Variants in PRAMEF27 observed in about 807,000 individuals in gnomAD.
The protein encoded by PRAMEF27 is PRAME family member 27.
Under a neutral mutation model 21.0 loss-of-function variants are expected in PRAMEF27, and 5 were observed. The ratio of observed to expected loss-of-function variants is 0.24; its 90% CI spans 0.12 to 0.50. The LOEUF (loss-of-function observed/expected upper bound fraction) is 0.50. Ranked by LOEUF, PRAMEF27 falls within the 20% of genes least tolerant of loss-of-function variation. The pLI is 0.98. For missense variants in PRAMEF27, 138 were observed against 541.4 expected, an observed-to-expected ratio of 0.25 and a Z score of 7.39; for synonymous variants, 61 against 211.2, an observed-to-expected ratio of 0.29 and a Z score of 6.17.
Position 13,050,244 on chromosome 1 carries a change from C to G in PRAMEF27, c.1001G>C (p.Arg334Thr). 1.0e-6 allele frequency: 1 copy of G among 958,288 alleles called. No homozygotes were observed. Among genetic ancestry groups the G allele is most frequent in the Non-Finnish European group, 1.4e-6 (1 of 691,046 alleles). The allele number at this position is 958,288 out of a possible 1,614,324, so 59.4% of individuals were successfully genotyped here. A position where few individuals can be genotyped will look rare whatever the true frequency, so the allele number is the denominator to read the frequency against. The stretch of plus-strand genomic sequence containing the variant: ...AGGCACAAGACTGTAATTGGTCAGT[C>G]TGATGCCACTCAGGTCCAGGGTCTT... The part of the protein sequence containing the change: ...QLKTLDLSGI[R>T]LTNYSLVPLQ... The change falls in exon 4 of 4, where the codon AGA becomes ACA. Residue 334 changes from arginine to threonine, a missense_variant. By Grantham distance (71) the Arg-to-Thr change is moderately conservative. Transcript: ENST00000436041.
chr1:13,052,005 G>C (rs1642211262), intron 3 of PRAMEF27, 113 bp downstream of exon 3: 3 of 1,453,350 alleles, frequency 2.1e-6, no homozygotes, highest in Admixed American at 3.6e-5. Context: ...GGACATTCTA[G>C]TGTCCCCTTC....
intron 1 of PRAMEF27, chr1:13,055,537 A>C (rs1165653998): frequency 2.2e-5 from 3 of 139,480 alleles, no homozygotes; most frequent in Admixed American, 1.4e-4. Flanking sequence ...CGTAGCTGGG[A>C]CTACAGGCAG....
rs1642225168 is a variant in PRAMEF27 at position 13,053,477 on chromosome 1, C to T, written c.183G>A (p.Trp61Ter). The change falls in exon 2 of 4, where the codon TGG becomes TGA. Residue 61 changes from tryptophan to a stop codon, truncating the protein, a stop_gained. Coordinates refer to ENST00000436041, the MANE Select transcript of PRAMEF27 (RefSeq NM_001300891.2). LOFTEE classifies it high-confidence loss of function. ...GCCTCAGAGGGAGGCGGCGGAAGGG[C>T]CAGGCCTGCACCATCAGCTTCAGGG... The part of the protein sequence containing the change: ...CEALKLMVQA[W>*]PFRRLPLRPL... The T allele has an allele frequency of 1.2e-5, 18 of 1,496,786 alleles. 3 individuals carry two copies. In the South Asian group the frequency reaches 1.9e-4, roughly 16 times the overall value. 92.7% of individuals were successfully genotyped at this position (1,496,786 alleles called of 1,614,324 possible).
Position 13,053,742 on chromosome 1 carries a change from C to G in PRAMEF27, c.-16-67G>C, listed in dbSNP as rs1642229281. On this transcript the variant is annotated intron_variant, in intron 1 of 3. Transcript: ENST00000436041. ...CCAAGCCCATGCAATCTCATCTTCT[C>G]CTATGGCCAAACTCACTGCTCTGGC... is the stretch of plus-strand genomic sequence containing the variant. 8 of 1,539,528 alleles carry G rather than the reference C, an allele frequency of 5.2e-6. 1 individual carries two copies. Among genetic ancestry groups the G allele is most frequent in the Non-Finnish European group, 6.0e-6 (7 of 1,159,532 alleles).
intron 2 of PRAMEF27, 199 bp downstream of exon 2, chr1:13,053,168 C>T: frequency 1.8e-6 from 1 of 556,284 alleles, no homozygotes; most frequent in Non-Finnish European, 2.9e-6. Context: ...CTTTCAGTGC[C>T]ATTAGAGGAG....
chr1:13,050,142 TG>T lies in PRAMEF27; in HGVS notation c.1102del (p.Gln368LysfsTer9). 1 of 1,345,996 alleles carries T rather than the reference TG, an allele frequency of 7.4e-7. No individual in the cohort carries two copies. The highest frequency in any genetic ancestry group is 2.4e-5 in the East Asian group (1 of 41,734). The allele number at this position is 1,345,996 out of a possible 1,614,324, so 83.4% of individuals were successfully genotyped here. ...CAGGGCAGGCAGGATGGCGTTGACT[TG>T]GGAGTCTATGATGCCACAGTCATCT... is the stretch of plus-strand genomic sequence containing the variant. ...DLDDCGIIDS[Q>X]VNAILPALSR... On this transcript the variant is annotated frameshift_variant, in exon 4 of 4. Transcript: ENST00000436041. LOFTEE classifies it low-confidence loss of function (END_TRUNC).
In PRAMEF27 at chr1:13,050,069, G is replaced by A. The variant is rs1187700563; in HGVS notation, c.1176C>T (p.Ile392=). Residue 392 remains isoleucine (I), a synonymous_variant, in exon 4 of 4, where the codon ATC becomes ATT. Coordinates refer to ENST00000436041, the MANE Select transcript of PRAMEF27 (RefSeq NM_001300891.2). ...LNAFSFCGNP[I]SMATLENLLS... ...GCAGGTTCTCCAGGGTGGCCATGGAGATGGGATTTCCACAGAAGCTGAAGG... is the reference window on the plus strand; with the variant it reads ...GCAGGTTCTCCAGGGTGGCCATGGAAATGGGATTTCCACAGAAGCTGAAGG... The A allele has an allele frequency of 7.0e-7, 1 of 1,418,698 alleles. No homozygotes were observed. The highest frequency in any genetic ancestry group is 9.4e-7 in the Non-Finnish European group (1 of 1,066,528). 87.9% of individuals were successfully genotyped at this position (1,418,698 alleles called of 1,614,324 possible).
rs1268687392 is a variant in PRAMEF27 at position 13,056,187 on chromosome 1, C to T, written c.-17+227G>A. On this transcript the variant is annotated intron_variant, in intron 1 of 3. Transcript: ENST00000436041. Reference sequence around the variant, plus strand: ...TTGGGGTTAAAGGCGTGAGTCACTGCTCCCTTCAAGAATTTTAAAATGGCA... The same window carrying T: ...TTGGGGTTAAAGGCGTGAGTCACTGTTCCCTTCAAGAATTTTAAAATGGCA... 1.7e-5 allele frequency: 2 copies of T among 117,838 alleles called. 1 individual carries two copies. Among genetic ancestry groups the T allele is most frequent in the East Asian group, 4.5e-4 (2 of 4,418 alleles). The allele number at this position is 117,838 out of a possible 1,614,324, so 7.3% of individuals were successfully genotyped here. A position where few individuals can be genotyped will look rare whatever the true frequency, so the allele number is the denominator to read the frequency against.
rs1363095514 is a variant in PRAMEF27, at chr1:13,056,359, A to C, written c.-17+55T>G. On this transcript the variant is annotated intron_variant, in intron 1 of 3. Coordinates refer to ENST00000436041, the MANE Select transcript of PRAMEF27 (RefSeq NM_001300891.2). ...TCGTAGGCTGCACTGTCACCATCCCAGACTGACTGACTCTAGGTCAGATGG... is the reference window on the plus strand; with the variant it reads ...TCGTAGGCTGCACTGTCACCATCCCCGACTGACTGACTCTAGGTCAGATGG... 6 of 124,798 alleles carry C rather than the reference A, an allele frequency of 4.8e-5. 1 individual carries two copies. The highest frequency in any genetic ancestry group is 9.2e-5 in the Non-Finnish European group (6 of 65,132). 7.7% of individuals were successfully genotyped at this position (124,798 alleles called of 1,614,324 possible).
rs1195753940 is a variant in PRAMEF27, at chr1:13,049,838, A to G, written c.1407T>C (p.Tyr469=). 2 of 1,409,016 alleles carry G rather than the reference A, an allele frequency of 1.4e-6. 1 individual carries two copies. Among genetic ancestry groups the G allele is most frequent in the African/African-American group, 7.7e-5 (2 of 25,986 alleles). The allele number at this position is 1,409,016 out of a possible 1,614,324, so 87.3% of individuals were successfully genotyped here. The change falls in exon 4 of 4, where the codon TAT becomes TAC. Residue 469 remains tyrosine, a synonymous_variant. Coordinates refer to ENST00000436041, the MANE Select transcript of PRAMEF27 (RefSeq NM_001300891.2). ...NCPDCGNRSF[Y]DLEADQYCC ...AGCAGTATTGATCTGCCTCCAGGTC[A>G]TAAAATGACCTGTTGCCACAGTCAG...
chr1:13,053,630 T>A lies in PRAMEF27; in HGVS notation c.30A>T (p.Arg10Ser). The change falls in exon 2 of 4, where the codon AGA becomes AGT. Residue 10 changes from arginine to serine, a missense_variant. Coordinates refer to ENST00000436041, the MANE Select transcript of PRAMEF27 (RefSeq NM_001300891.2). The part of the protein sequence containing the change: MKMSIRTPP[R>S]LLELAGRSLL... ...GGCTCCGCCCCGCAAGCTCCAGGAGTCTGGGTGGAGTCCGGATGCTCATCT... is the reference window on the plus strand; with the variant it reads ...GGCTCCGCCCCGCAAGCTCCAGGAGACTGGGTGGAGTCCGGATGCTCATCT... 6.3e-7 allele frequency: 1 copy of A among 1,595,160 alleles called. No individual in the cohort carries two copies. Among genetic ancestry groups the A allele is most frequent in the Non-Finnish European group, 8.5e-7 (1 of 1,178,726 alleles).
At chr1:13,051,094 C>G (rs1295631550) in intron 3 of PRAMEF27, 2 of 151,764 alleles carry the variant, frequency 1.3e-5, no homozygotes, top group Non-Finnish European at 2.9e-5. Context: ...AGCAAACCAT[C>G]TATCACTTTC....
At position 13,052,897 on chromosome 1, in the gene PRAMEF27, C is replaced by T; in HGVS notation, c.294-198G>A. 1.7e-5 allele frequency: 8 copies of T among 461,438 alleles called. 2 individuals are homozygous for T. The highest frequency in any genetic ancestry group is 2.8e-5 in the Non-Finnish European group (8 of 288,836). 28.6% of individuals were successfully genotyped at this position (461,438 alleles called of 1,614,324 possible). On this transcript the variant is annotated intron_variant, in intron 2 of 3. Transcript: ENST00000436041. ...TTGAGACCAAGTCTCCCTCTGTCGC[C>T]CAGGCTAGAGTGCAGTGGTGTGATG...
intron 3 of PRAMEF27, chr1:13,051,905 A>T: frequency 1.6e-6 from 1 of 636,770 alleles, no homozygotes; most frequent in Non-Finnish European, 2.5e-6. Context: ...CAACCTCTCT[A>T]TAGCATCTCC....
chr1:13,053,861 C>T, intron 1 of PRAMEF27, 186 bp from the exon 2 acceptor site: 1 of 867,506 alleles, frequency 1.2e-6, no homozygotes, highest in South Asian at 2.1e-5. Flanking sequence ...GCATGAGCGT[C>T]TCCGAAGCAG....
At chr1:13,051,873 A>C in intron 3 of PRAMEF27, 1 of 538,102 alleles carries the variant, frequency 1.9e-6, no homozygotes, top group South Asian at 2.4e-5. Context: ...TGAACCCCCC[A>C]GTAGCTAGCT....
intron 1 of PRAMEF27, 71 bp from the exon 2 acceptor site, chr1:13,053,746 T>A (rs1169038584): frequency 1.3e-6 from 2 of 1,528,320 alleles, no homozygotes; most frequent in Admixed American, 1.8e-5. Context: ...TCTTCTCCTA[T>A]GGCCAAACTC....
Position 13,053,390 on chromosome 1 carries a change from C to G in PRAMEF27, c.270G>C (p.Leu90=). 2 of 1,487,292 alleles carry G rather than the reference C, an allele frequency of 1.3e-6. No homozygotes were observed. Among genetic ancestry groups the G allele is most frequent in the Non-Finnish European group, 1.8e-6 (2 of 1,124,702 alleles). 92.1% of individuals were successfully genotyped at this position (1,487,292 alleles called of 1,614,324 possible). The change falls in exon 2 of 4, where the codon CTG becomes CTC. Residue 90 remains leucine, a synonymous_variant. Transcript: ENST00000436041. ...FQAVLDGLDA[L]LTQGVCPRRW... is the part of the protein sequence containing the mutation. ...ACCTGGGACAAACCCCTTGGGTAAG[C>G]AGTGCATCAAGCCCATCGAGCACAG... is the stretch of plus-strand genomic sequence containing the variant.
intron 1 of PRAMEF27, 63 bp from the exon 2 acceptor site, chr1:13,053,738 T>A: frequency 6.4e-7 from 1 of 1,552,436 alleles, no homozygotes; most frequent in Non-Finnish European, 8.6e-7. Context: ...CAATCTCATC[T>A]TCTCCTATGG....
Sources: gnomAD v4.1 joint callset for allele counts on GRCh38, gnomAD v4.1.1 for gene constraint, MANE v1.5 for transcripts, NCBI Gene and HGNC (gene_info 2026-07-23, HGNC 2026-07-21) for gene names.